The following UNC5D variants were observed in gnomAD, a reference collection of about 807,000 sequenced individuals.
The protein encoded by UNC5D is unc-5 netrin receptor D.
UNC5D carries 39 observed loss-of-function variants against 105.4 expected under a neutral mutation model. The ratio of observed to expected loss-of-function variants is 0.37; its 90% CI spans 0.29 to 0.48. UNC5D has a LOEUF of 0.48. Ranked by LOEUF, UNC5D falls within the 20% of genes least tolerant of loss-of-function variation. The pLI, the probability that UNC5D is intolerant of heterozygous loss-of-function variation, is 0.98. For missense variants in UNC5D, 991 were observed against 1,202.4 expected, an observed-to-expected ratio of 0.82 and a Z score of 2.60; for synonymous variants, 452 against 450.4, an observed-to-expected ratio of 1.00 and a Z score of -0.04.
At chr8:35,503,767 A>G (rs1812122050) in intron 1 of UNC5D, among the ~76,000 whole-genome samples, 1 of 152,108 alleles carries the variant, frequency 6.6e-6, no homozygotes, top group Non-Finnish European at 1.5e-5. Flanking sequence ...CTCCCTCTGA[A>G]TCATCGTCAT....
intron 14 of UNC5D, among the ~76,000 whole-genome samples, chr8:35,766,313 GTC>G (rs1207408032): frequency 6.6e-6 from 1 of 151,976 alleles, no homozygotes; most frequent in African/African-American, 2.4e-5. Context: ...GTGTCTGTCT[GTC>G]TCTCTTCCCT....
At chr8:35,467,501 G>A (rs1809387830) in intron 1 of UNC5D, among the ~76,000 whole-genome samples, 1 of 145,886 alleles carries the variant, frequency 6.9e-6, no homozygotes, top group South Asian at 2.1e-4. Context: ...TAGATATGCA[G>A]CATTAATGTT....
intron 4 of UNC5D, among the ~76,000 whole-genome samples, chr8:35,682,046 C>A (rs1341219013): frequency 6.6e-6 from 1 of 152,164 alleles, no homozygotes; most frequent in African/African-American, 2.4e-5. Context: ...CTCACTGTAA[C>A]CTCTGCCTCC....
chr8:35,385,559 G>A lies in UNC5D; in HGVS notation c.103+149672G>A, dbSNP rs181244192. Reference sequence around the variant, plus strand: ...CCGCTCACTGCAAGCTCCACCTCCCGGACTCACGCCATTCTCTTGCCTCAG... The same window carrying A: ...CCGCTCACTGCAAGCTCCACCTCCCAGACTCACGCCATTCTCTTGCCTCAG... On this transcript the variant is annotated intron_variant, in intron 1 of 16. Transcript: ENST00000404895. Among the ~76,000 whole-genome samples the A allele has an allele frequency of 8.7e-3, 1,293 of 148,028 alleles. 23 individuals carry two copies. The highest frequency in any genetic ancestry group is 0.032 in the African/African-American group (1,258 of 39,894).
intron 1 of UNC5D, among the ~76,000 whole-genome samples, chr8:35,342,956 G>A (rs533088457): frequency 6.6e-6 from 1 of 152,224 alleles, no homozygotes; most frequent in South Asian, 2.1e-4. Context: ...ACAAGCTGTA[G>A]TCTTCTAAGC....
intron 1 of UNC5D, among the ~76,000 whole-genome samples, chr8:35,496,704 G>A (rs2130181104): frequency 6.6e-6 from 1 of 152,190 alleles, no homozygotes; most frequent in Non-Finnish European, 1.5e-5. Context: ...TATATTTTTA[G>A]AACTGTACTG....
At chr8:35,616,079 A>G (rs1172018026) in intron 4 of UNC5D, among the ~76,000 whole-genome samples, 4 of 152,222 alleles carry the variant, frequency 2.6e-5, no homozygotes, top group Admixed American at 6.5e-5. Flanking sequence ...TGTGTACTCA[A>G]TGCCAGCCAC....
chr8:35,619,170 T>C (rs1821204094), intron 4 of UNC5D, among the ~76,000 whole-genome samples: 1 of 152,204 alleles, frequency 6.6e-6, no homozygotes, highest in Non-Finnish European at 1.5e-5. Flanking sequence ...TTACTCATAA[T>C]AATAATCATA....
At chr8:35,260,275 T>A (rs111590384) in intron 1 of UNC5D, among the ~76,000 whole-genome samples, 2 of 152,250 alleles carry the variant, frequency 1.3e-5, no homozygotes, top group South Asian at 2.1e-4. Flanking sequence ...AGTAGACACC[T>A]CTGGAGCGGT....
chr8:35,653,970 C>T (rs1267080023), intron 4 of UNC5D, among the ~76,000 whole-genome samples: 1 of 151,900 alleles, frequency 6.6e-6, no homozygotes, highest in Non-Finnish European at 1.5e-5. Flanking sequence ...ATAATAAGCT[C>T]ATGCTTAACT....
intron 3 of UNC5D, among the ~76,000 whole-genome samples, chr8:35,570,286 T>C (rs1204292989): frequency 6.6e-6 from 1 of 152,170 alleles, no homozygotes; most frequent in Non-Finnish European, 1.5e-5. Flanking sequence ...GTCCTGTTGG[T>C]TTCCAACTTC....
At position 35,481,117 on chromosome 8, in the gene UNC5D, T is replaced by C. The variant is rs148517284; in HGVS notation, c.104-68175T>C. ...AATCTTGGTTGAAGCCAATTGACTT[T>C]ATTTGCTTTCTAACACATAAAGCTG... On this transcript the variant is annotated intron_variant, in intron 1 of 16. Coordinates refer to ENST00000404895, the MANE Select transcript of UNC5D (RefSeq NM_080872.4). 2.0e-3 allele frequency among the ~76,000 whole-genome samples: 300 copies of C among 152,340 alleles called. 1 individual carries two copies. The highest frequency in any genetic ancestry group is 6.8e-3 in the African/African-American group (281 of 41,576).
intron 12 of UNC5D, among the ~76,000 whole-genome samples, chr8:35,749,292 A>G (rs949337706): frequency 6.6e-6 from 1 of 152,216 alleles, no homozygotes; most frequent in African/African-American, 2.4e-5. Flanking sequence ...CATTAACAAC[A>G]GGGAAGACAG....
chr8:35,324,879 T>G (rs1390024519), intron 1 of UNC5D, among the ~76,000 whole-genome samples: 1 of 152,160 alleles, frequency 6.6e-6, no homozygotes, highest in African/African-American at 2.4e-5. Flanking sequence ...AGGTCTATTC[T>G]TGGCCCCCTT....
chr8:35,467,227 G>A (rs2129758790), intron 1 of UNC5D, among the ~76,000 whole-genome samples: 1 of 152,224 alleles, frequency 6.6e-6, no homozygotes, highest in African/African-American at 2.4e-5. Context: ...AGTTGTCTTT[G>A]AGCACTGGAT....
chr8:35,374,784 T>C (rs1299967584), intron 1 of UNC5D, among the ~76,000 whole-genome samples: 1 of 152,228 alleles, frequency 6.6e-6, no homozygotes, highest in Non-Finnish European at 1.5e-5. Flanking sequence ...TAGAACTTTT[T>C]AAAAATACAT....
intron 1 of UNC5D, among the ~76,000 whole-genome samples, chr8:35,546,930 G>A (rs951961377): frequency 1.3e-5 from 2 of 151,948 alleles, no homozygotes; most frequent in Non-Finnish European, 2.9e-5. Context: ...TAGAATATTT[G>A]CTTTACAATT....
chr8:35,284,577 CG>C (rs2128854270), intron 1 of UNC5D, among the ~76,000 whole-genome samples: 1 of 152,110 alleles, frequency 6.6e-6, no homozygotes, highest in Non-Finnish European at 1.5e-5. Flanking sequence ...TTCTTTTTGA[CG>C]GAGTCTCACT....
At chr8:35,779,498 GC>G (rs935876538) in intron 16 of UNC5D, among the ~76,000 whole-genome samples, 59 of 151,950 alleles carry the variant, frequency 3.9e-4, no homozygotes, top group African/African-American at 1.4e-3. Context: ...TTTCTCTGTT[GC>G]CCACACTGGA....
Sources: allele counts gnomAD v4.1 joint callset (sites outside exome capture counted in the v4.1 genomes callset), GRCh38; gene constraint gnomAD v4.1.1; transcripts MANE v1.5; gene names NCBI Gene and HGNC (gene_info 2026-07-23, HGNC 2026-07-21).